Variants in MALRD1 observed in about 807,000 individuals in gnomAD.
MALRD1 encodes MAM and LDL-receptor class A domain-containing protein 1.
Under a neutral mutation model 242.1 loss-of-function variants are expected in MALRD1, and 247 were observed. That is an observed-to-expected ratio of 1.02 (90% CI 0.92 to 1.13). MALRD1 has a LOEUF of 1.13. Among genes scored for constraint, MALRD1 ranks in the 50% most tolerant of loss-of-function variants. MALRD1 has a pLI of 0.00. For missense variants in MALRD1, 2,989 were observed against 2,533.1 expected (o/e 1.18, Z -3.86); for synonymous variants, 995 against 866.6 (o/e 1.15, Z -2.60).
intron 5 of MALRD1, among the ~76,000 whole-genome samples, chr10:19,106,249 G>GT (rs1836459009): frequency 6.6e-6 from 1 of 151,640 alleles, no homozygotes; most frequent in Non-Finnish European, 1.5e-5. Flanking sequence ...TGAGTGAGAG[G>GT]TTGTTAGTTA....
chr10:19,610,100 ACAT>A (rs1239126132), intron 35 of MALRD1, among the ~76,000 whole-genome samples: 2 of 152,006 alleles, frequency 1.3e-5, no homozygotes, highest in African/African-American at 4.8e-5. Context: ...GTTAATTAAC[ACAT>A]CATAATTATA....
At position 19,125,282 on chromosome 10, in the gene MALRD1, TTTCTTTCTTTCCTTCC is replaced by T. The variant is rs1203408875; in HGVS notation, c.943+616_943+631del. 5.2e-4 allele frequency among the ~76,000 whole-genome samples: 51 copies of T among 97,290 alleles called. 1 individual carries two copies. Among genetic ancestry groups the T allele is most frequent in the African/African-American group, 2.6e-3 (49 of 18,998 alleles). The allele number at this position is 97,290 out of a possible 152,430, so 63.8% of individuals were successfully genotyped here. On this transcript the variant is annotated intron_variant, in intron 7 of 39. Coordinates refer to ENST00000454679, the MANE Select transcript of MALRD1 (RefSeq NM_001142308.3). ...CTCTTTCTTTCTCTTTCTTTCTTTC[TTTCTTTCTTTCCTTCC>T]TTCCTTCCTTCCTTCCTTCCTTCCT... is the stretch of plus-strand genomic sequence containing the variant.
In MALRD1 at chr10:19,387,767, G is replaced by A; in HGVS notation, c.4681G>A (p.Glu1561Lys). The A allele has an allele frequency of 6.5e-7, 1 of 1,547,180 alleles. No individual in the cohort carries two copies. The highest frequency in any genetic ancestry group is 8.7e-7 in the Non-Finnish European group (1 of 1,145,774). Residue 1561 changes from glutamate (E) to lysine (K), a missense_variant, in exon 27 of 40, where the codon GAA becomes AAA. Coordinates refer to ENST00000454679, the MANE Select transcript of MALRD1 (RefSeq NM_001142308.3). Reference protein sequence around the residue: ...RPPKDHTLGNENGHFMYLEAT... With the variant: ...RPPKDHTLGNKNGHFMYLEAT... ...TCCCAAAGACCACACACTTGGAAAT[G>A]AAAATGGTAGGTTATTAGATTGTTG...
chr10:19,253,299 A>T (rs900886416), intron 18 of MALRD1, among the ~76,000 whole-genome samples: 2 of 152,034 alleles, frequency 1.3e-5, no homozygotes, highest in Non-Finnish European at 2.9e-5. Context: ...CTGGTTATAA[A>T]ATGCCACACA....
At chr10:19,697,980 A>G (rs1226351570) in intron 38 of MALRD1, among the ~76,000 whole-genome samples, 1 of 152,126 alleles carries the variant, frequency 6.6e-6, no homozygotes, top group African/African-American at 2.4e-5. Flanking sequence ...CATAGATGTC[A>G]TTCATTTCCA....
chr10:19,275,584 G>C (rs1399443957), intron 19 of MALRD1, among the ~76,000 whole-genome samples: 1 of 152,146 alleles, frequency 6.6e-6, no homozygotes, highest in Non-Finnish European at 1.5e-5. Flanking sequence ...CAGGAGAATG[G>C]TGTGAACCCG....
chr10:19,463,848 T>C (rs1836074898), intron 29 of MALRD1, among the ~76,000 whole-genome samples: 1 of 152,286 alleles, frequency 6.6e-6, no homozygotes, highest in South Asian at 2.1e-4. Flanking sequence ...GTAAAAGTGT[T>C]CCCTTTGTGC....
rs142025703 is a variant in MALRD1 at position 19,463,553 on chromosome 10, AGTGT to A, written c.5029+13098_5029+13101del. ...AATTCGTTCCCTTTCGTGGCTGAGTAGTGTGTGTGTGTGTGTGTGTGTGTGTGTG... is the reference window on the plus strand; with the variant it reads ...AATTCGTTCCCTTTCGTGGCTGAGTAGTGTGTGTGTGTGTGTGTGTGTGTG... On this transcript the variant is annotated intron_variant, in intron 29 of 39. Transcript: ENST00000454679. Among the ~76,000 whole-genome samples, 875 of 150,110 alleles carry A rather than the reference AGTGT, an allele frequency of 5.8e-3. 5 individuals are homozygous for A. Among genetic ancestry groups the A allele is most frequent in the Middle Eastern group, 0.014 (4 of 288 alleles).
intron 36 of MALRD1, among the ~76,000 whole-genome samples, chr10:19,649,830 C>A (rs1840792220): frequency 6.6e-6 from 1 of 152,044 alleles, no homozygotes; most frequent in African/African-American, 2.4e-5. Context: ...TATTGCCTAG[C>A]TTGTCTTCCA....
At chr10:19,157,462 T>C (rs986234775) in intron 12 of MALRD1, among the ~76,000 whole-genome samples, 1 of 152,164 alleles carries the variant, frequency 6.6e-6, no homozygotes, top group South Asian at 2.1e-4. Flanking sequence ...TTATCCAGGA[T>C]GGTCTCGATC....
chr10:19,230,200 A>G (rs1194872644), intron 18 of MALRD1, among the ~76,000 whole-genome samples: 1 of 152,128 alleles, frequency 6.6e-6, no homozygotes, highest in Non-Finnish European at 1.5e-5. Context: ...TAAATTACCC[A>G]GTCTTGGGTA....
At chr10:19,677,546 C>G (rs1233515556) in intron 36 of MALRD1, among the ~76,000 whole-genome samples, 1 of 151,872 alleles carries the variant, frequency 6.6e-6, no homozygotes, top group Admixed American at 6.6e-5. Flanking sequence ...TTGTTTAAGT[C>G]CCTTGTACAT....
At chr10:19,500,556 T>A (rs1589161854) in intron 31 of MALRD1, among the ~76,000 whole-genome samples, 1 of 152,192 alleles carries the variant, frequency 6.6e-6, no homozygotes, top group East Asian at 1.9e-4. Context: ...AAACAGAGAG[T>A]AAACTGTGTG....
chr10:19,439,244 G>A (rs1182134768), intron 28 of MALRD1, among the ~76,000 whole-genome samples: 3 of 151,732 alleles, frequency 2.0e-5, no homozygotes, highest in African/African-American at 7.3e-5. Context: ...TTAAAAGAGA[G>A]AAGAAGCTGG....
At chr10:19,308,727 G>A (rs932110972) in intron 21 of MALRD1, among the ~76,000 whole-genome samples, 10 of 151,464 alleles carry the variant, frequency 6.6e-5, no homozygotes, top group African/African-American at 1.9e-4. Flanking sequence ...CTCCTATTAC[G>A]TTGTGAGCCC....
Position 19,133,968 on chromosome 10 carries a change from AG to A in MALRD1, c.1203+21del. ...TTTAAGGTATGAAAGAAAAAAAAAA[AG>A]TATTTTTTTATCATGGTTTAAGTTT... On this transcript the variant is annotated intron_variant, in intron 9 of 39. Coordinates refer to ENST00000454679, the MANE Select transcript of MALRD1 (RefSeq NM_001142308.3). 1.7e-6 allele frequency: 2 copies of A among 1,149,264 alleles called. No individual in the cohort carries two copies. Among genetic ancestry groups the A allele is most frequent in the Non-Finnish European group, 2.2e-6 (2 of 913,176 alleles). The allele number at this position is 1,149,264 out of a possible 1,614,324, so 71.2% of individuals were successfully genotyped here. A position where few individuals can be genotyped will look rare whatever the true frequency, so the allele number is the denominator to read the frequency against.
rs186812709 is a variant in MALRD1 at position 19,463,748 on chromosome 10, G to A, written c.5029+13258G>A. ...TAGATACCCAGTAGTGGGATTGCTG[G>A]ATCAAATGGTATTTCTACTCTTGGT... On this transcript the variant is annotated intron_variant, in intron 29 of 39. Coordinates refer to ENST00000454679, the MANE Select transcript of MALRD1 (RefSeq NM_001142308.3). 2.2e-3 allele frequency among the ~76,000 whole-genome samples: 338 copies of A among 152,182 alleles called. 1 individual carries two copies. The highest frequency in any genetic ancestry group is 3.4e-3 in the Middle Eastern group (1 of 294).
chr10:19,380,591 T>C (rs139461729), intron 26 of MALRD1, among the ~76,000 whole-genome samples: 1,524 of 152,232 alleles, frequency 0.01, 12 homozygotes, highest in Non-Finnish European at 0.016. Flanking sequence ...TACATTTTTA[T>C]ATAGTCTTTA....
intron 29 of MALRD1, among the ~76,000 whole-genome samples, chr10:19,482,322 A>G (rs1018397440): frequency 3.9e-5 from 6 of 152,094 alleles, no homozygotes; most frequent in Admixed American, 3.3e-4. Flanking sequence ...TTTATCAACA[A>G]GTTAAAAAAG....
Sources: allele counts gnomAD v4.1 joint callset (sites outside exome capture counted in the v4.1 genomes callset), GRCh38; gene constraint gnomAD v4.1.1; transcripts MANE v1.5; gene names NCBI Gene and HGNC (gene_info 2026-07-23, HGNC 2026-07-21).